SLC22A23: variants seen among roughly 807,000 people sequenced by gnomAD.
SLC22A23 encodes the protein solute carrier family 22 member 23.
A neutral mutation model predicts 61.0 loss-of-function variants in SLC22A23; 26 were observed. That is an observed-to-expected ratio of 0.43 (90% CI 0.31 to 0.59). The LOEUF (loss-of-function observed/expected upper bound fraction) is 0.59. Ranked by LOEUF, SLC22A23 falls within the 20% of genes least tolerant of loss-of-function variation. The pLI is 0.11. For synonymous variants in SLC22A23, 430 were observed against 413.9 expected (o/e 1.04, Z -0.47); for missense variants, 796 against 934.7 (o/e 0.85, Z 1.94).
chr6:3,380,298 C>T (rs1246419691), intron 3 of SLC22A23, among the ~76,000 whole-genome samples: 2 of 152,154 alleles, frequency 1.3e-5, no homozygotes, highest in Non-Finnish European at 2.9e-5. Context: ...CCTCCACTAA[C>T]CTATCTTGAC....
At chr6:3,445,598 C>T (rs568231983) in intron 1 of SLC22A23, among the ~76,000 whole-genome samples, 23 of 152,266 alleles carry the variant, frequency 1.5e-4, no homozygotes, top group Non-Finnish European at 3.1e-4. Flanking sequence ...GAGAGACGGG[C>T]ATCCTTCCAA....
chr6:3,407,463 C>T (rs556775860), intron 3 of SLC22A23, among the ~76,000 whole-genome samples: 39 of 152,350 alleles, frequency 2.6e-4, no homozygotes, highest in African/African-American at 8.9e-4. Flanking sequence ...TACCCCAATC[C>T]CACCTGCCCA....
chr6:3,443,840 A>G (rs1253328278), intron 1 of SLC22A23, among the ~76,000 whole-genome samples: 1 of 152,156 alleles, frequency 6.6e-6, no homozygotes, highest in Non-Finnish European at 1.5e-5. Flanking sequence ...CAGGGATCAC[A>G]TGAGCAAAAG....
chr6:3,304,319 C>A lies in SLC22A23; in HGVS notation c.1083-6101G>T, dbSNP rs1434134230. On this transcript the variant is annotated intron_variant, in intron 4 of 9. Coordinates refer to ENST00000406686, the MANE Select transcript of SLC22A23 (RefSeq NM_015482.2). The surrounding 1 kb of genome is among the most constrained non-coding windows in gnomAD (Gnocchi z 4.3). The stretch of plus-strand genomic sequence containing the variant: ...TCTAAAGGCAACACACTTTGGATAC[C>A]TAAAAACTGACAACAACCAATAAAT... Among the ~76,000 whole-genome samples the A allele has an allele frequency of 6.6e-6, 1 of 152,172 alleles. No homozygotes were observed. Among genetic ancestry groups the A allele is most frequent in the Non-Finnish European group, 1.5e-5 (1 of 68,034 alleles).
chr6:3,367,114 A>G (rs910053843), intron 3 of SLC22A23, among the ~76,000 whole-genome samples: 1 of 152,204 alleles, frequency 6.6e-6, no homozygotes, highest in African/African-American at 2.4e-5. Flanking sequence ...TTTAGAGGGA[A>G]GTGTGTGTGT....
At chr6:3,355,177 T>G (rs1581738743) in intron 3 of SLC22A23, among the ~76,000 whole-genome samples, 2 of 147,366 alleles carry the variant, frequency 1.4e-5, no homozygotes, top group Admixed American at 1.4e-4. Flanking sequence ...GCCGCCACCC[T>G]CCCCAGCTAA....
intron 3 of SLC22A23, among the ~76,000 whole-genome samples, chr6:3,336,383 C>T (rs1561907103): frequency 6.6e-6 from 1 of 152,212 alleles, no homozygotes; most frequent in African/African-American, 2.4e-5. Flanking sequence ...CATCTGACAT[C>T]CTGCTGGCAG....
intron 3 of SLC22A23, among the ~76,000 whole-genome samples, chr6:3,364,062 C>A (rs1765648584): frequency 6.6e-6 from 1 of 152,260 alleles, no homozygotes; most frequent in African/African-American, 2.4e-5. Context: ...GCATCTCACC[C>A]AATAGAGCTT....
At chr6:3,323,446 G>A in intron 4 of SLC22A23, 1 of 422,190 alleles carries the variant, frequency 2.4e-6, no homozygotes, top group African/African-American at 2.1e-5. Flanking sequence ...GGGGACTTTT[G>A]TAAATCACTC....
At chr6:3,289,951 A>C (rs774643679) in intron 5 of SLC22A23, 85 bp from the exon 6 acceptor site, 103 of 872,160 alleles carry the variant, frequency 1.2e-4, no homozygotes, top group Admixed American at 3.9e-5. Context: ...CTGGTTCCCC[A>C]GTTCGGGTAC....
At position 3,286,787 on chromosome 6, in the gene SLC22A23, G is replaced by C. The variant is rs1309860167; in HGVS notation, c.1546+72C>G. On this transcript the variant is annotated intron_variant, in intron 7 of 9. Transcript: ENST00000406686. This position sits in a 1 kb window ranked among gnomAD's most constrained non-coding sequence, Gnocchi z 4.2. ...AGAGTGGCCAGCGGAGTCTTATGCA[G>C]CCCTTTCAAATGCCCTTGGGGATCT... The C allele has an allele frequency of 1.5e-6, 2 of 1,292,496 alleles. No homozygotes were observed. Among genetic ancestry groups the C allele is most frequent in the African/African-American group, 1.5e-5 (1 of 68,068 alleles). 80.1% of individuals were successfully genotyped at this position (1,292,496 alleles called of 1,614,324 possible). A position where few individuals can be genotyped will look rare whatever the true frequency, so the allele number is the denominator to read the frequency against.
At chr6:3,436,613 A>G (rs982632673) in intron 1 of SLC22A23, among the ~76,000 whole-genome samples, 2 of 151,160 alleles carry the variant, frequency 1.3e-5, no homozygotes, top group Non-Finnish European at 3.0e-5. Context: ...GGGATTCCCA[A>G]CTCTCTCTTC....
chr6:3,349,856 C>G (rs942642134), intron 3 of SLC22A23, among the ~76,000 whole-genome samples: 1 of 152,224 alleles, frequency 6.6e-6, no homozygotes, highest in Non-Finnish European at 1.5e-5. Context: ...TGGCTTATTG[C>G]TCCCATCGCT....
chr6:3,364,633 CGA>C (rs373821984), intron 3 of SLC22A23, among the ~76,000 whole-genome samples: 70 of 152,218 alleles, frequency 4.6e-4, no homozygotes, highest in African/African-American at 1.7e-3. Context: ...CCAGGGTCAG[CGA>C]GAGGTCTCAC....
Position 3,280,490 on chromosome 6 carries a change from C to CTTT in SLC22A23, c.1703+3359_1703+3361dup, listed in dbSNP as rs1163139930. Among the ~76,000 whole-genome samples, 167 of 57,264 alleles carry CTTT rather than the reference C, an allele frequency of 2.9e-3. 3 individuals carry two copies. The highest frequency in any genetic ancestry group is 9.6e-3 in the Middle Eastern group (1 of 104). 37.6% of individuals were successfully genotyped at this position (57,264 alleles called of 152,430 possible). On this transcript the variant is annotated intron_variant, in intron 9 of 9. Coordinates refer to ENST00000406686, the MANE Select transcript of SLC22A23 (RefSeq NM_015482.2). Reference sequence around the variant, plus strand: ...CAGATGTGACATTTTTAAGACACAACTTTTTTTTTTTTTTTTTTTTTTTGA... The same window carrying CTTT: ...CAGATGTGACATTTTTAAGACACAACTTTTTTTTTTTTTTTTTTTTTTTTTTGA...
chr6:3,271,980 G>A lies in SLC22A23; in HGVS notation c.*1075C>T, dbSNP rs1238705849. 1.3e-5 allele frequency: 2 copies of A among 152,452 alleles called. No homozygotes were observed. Among genetic ancestry groups the A allele is most frequent in the Non-Finnish European group, 2.9e-5 (2 of 68,110 alleles). 9.4% of individuals were successfully genotyped at this position (152,452 alleles called of 1,614,324 possible). A position where few individuals can be genotyped will look rare whatever the true frequency, so the allele number is the denominator to read the frequency against. ...TGACTGCAAGCAGGAAGCTGGCCCA[G>A]GAAGGCAGGCGTGAGGGGGCCCAGC... is the stretch of plus-strand genomic sequence containing the variant. On this transcript the variant is annotated 3_prime_UTR_variant, in exon 10 of 10. Coordinates refer to ENST00000406686, the MANE Select transcript of SLC22A23 (RefSeq NM_015482.2).
rs1022486690 is a variant in SLC22A23 at position 3,269,303 on chromosome 6, G to C, written c.*3752C>G. The C allele has an allele frequency of 6.6e-6, 1 of 152,408 alleles. No homozygotes were observed. The highest frequency in any genetic ancestry group is 6.5e-5 in the Admixed American group (1 of 15,292). 9.4% of individuals were successfully genotyped at this position (152,408 alleles called of 1,614,324 possible). A position where few individuals can be genotyped will look rare whatever the true frequency, so the allele number is the denominator to read the frequency against. The stretch of plus-strand genomic sequence containing the variant: ...TGAGAGGCCTCCCTCCACCCACCTC[G>C]GGGCGAGTGAAGACACAGCTTACAG... On this transcript the variant is annotated 3_prime_UTR_variant, in exon 10 of 10. Coordinates refer to ENST00000406686, the MANE Select transcript of SLC22A23 (RefSeq NM_015482.2).
chr6:3,362,174 T>G (rs1382405719), intron 3 of SLC22A23, among the ~76,000 whole-genome samples: 1 of 149,902 alleles, frequency 6.7e-6, no homozygotes, highest in Non-Finnish European at 1.5e-5. Context: ...GAGGCCGAGG[T>G]GGGTGGATTG....
At chr6:3,429,660 C>T (rs1244351539) in intron 1 of SLC22A23, among the ~76,000 whole-genome samples, 2 of 152,192 alleles carry the variant, frequency 1.3e-5, no homozygotes, top group African/African-American at 4.8e-5. Context: ...CTCAAGTGTT[C>T]ACTGACGGAT....
Sources: gnomAD v4.1 joint callset for allele counts (sites outside exome capture counted in the v4.1 genomes callset) on GRCh38, gnomAD v4.1.1 for gene constraint, Gnocchi (gnomAD v3.1) non-coding constraint, MANE v1.5 for transcripts, NCBI Gene and HGNC (gene_info 2026-07-23, HGNC 2026-07-21) for gene names.